GHR: variants seen among roughly 807,000 people sequenced by gnomAD.
GHR encodes the protein GH receptor.
Under a neutral mutation model 67.1 loss-of-function variants are expected in GHR, and 35 were observed. The ratio of observed to expected loss-of-function variants is 0.52; its 90% confidence interval spans 0.40 to 0.69. GHR has a LOEUF of 0.69. Ranked by LOEUF, GHR falls within the 30% of genes least tolerant of loss-of-function variation. GHR has a pLI of 0.00. For missense variants in GHR, 792 were observed against 764.6 expected, an observed-to-expected ratio of 1.04 and a Z score of -0.42; for synonymous variants, 272 against 269.1, an observed-to-expected ratio of 1.01 and a Z score of -0.10.
At chr5:42,522,331 T>C (rs1211362629) in intron 1 of GHR, among the ~76,000 whole-genome samples, 3 of 152,192 alleles carry the variant, frequency 2.0e-5, no homozygotes, top group Non-Finnish European at 4.4e-5. Context: ...AAGAAATGGC[T>C]TTGGCATTTT....
At chr5:42,434,215 A>C (rs1444968109) in intron 1 of GHR, among the ~76,000 whole-genome samples, 1 of 152,174 alleles carries the variant, frequency 6.6e-6, no homozygotes, top group South Asian at 2.1e-4. Context: ...TGATGCTGAC[A>C]GTCCTGGCCC....
At chr5:42,583,784 T>C (rs1751319130) in intron 2 of GHR, among the ~76,000 whole-genome samples, 1 of 152,036 alleles carries the variant, frequency 6.6e-6, no homozygotes. Context: ...CAAATTCTTC[T>C]TCTTGCAAAA....
intron 1 of GHR, among the ~76,000 whole-genome samples, chr5:42,479,171 A>G (rs1357650440): frequency 6.6e-6 from 1 of 152,148 alleles, no homozygotes; most frequent in East Asian, 1.9e-4. Flanking sequence ...GGTTCTGTTT[A>G]TATGCTGGAT....
intron 6 of GHR, among the ~76,000 whole-genome samples, chr5:42,702,425 C>A (rs1010723323): frequency 8.5e-5 from 13 of 152,130 alleles, no homozygotes; most frequent in African/African-American, 3.1e-4. Context: ...ATACCTACCA[C>A]ATTTTCTTTA....
At chr5:42,443,114 T>C (rs1479863073) in intron 1 of GHR, among the ~76,000 whole-genome samples, 1 of 152,200 alleles carries the variant, frequency 6.6e-6, no homozygotes, top group Non-Finnish European at 1.5e-5. Context: ...AAGATTTGAA[T>C]GTGGGGCTTG....
At chr5:42,698,425 TCTC>T (rs1268083382) in intron 5 of GHR, among the ~76,000 whole-genome samples, 1 of 152,214 alleles carries the variant, frequency 6.6e-6, no homozygotes, top group Non-Finnish European at 1.5e-5. Context: ...GATTCCTGAA[TCTC>T]CAACAAATCC....
chr5:42,493,674 T>C (rs1746206334), intron 1 of GHR, among the ~76,000 whole-genome samples: 1 of 152,212 alleles, frequency 6.6e-6, no homozygotes, highest in Non-Finnish European at 1.5e-5. Context: ...GAAATATTTC[T>C]AAAAGTTCAA....
At position 42,718,798 on chromosome 5, in the gene GHR, C is replaced by A. The variant is rs1758862661; in HGVS notation, c.1291C>A (p.Gln431Lys). 1 of 1,614,050 alleles carries A rather than the reference C, an allele frequency of 6.2e-7. No individual in the cohort carries two copies. Among genetic ancestry groups the A allele is most frequent in the South Asian group, 1.1e-5 (1 of 91,052 alleles). The change falls in exon 10 of 10, where the codon CAA becomes AAA. Residue 431 changes from glutamine to lysine, a missense_variant. Coordinates refer to ENST00000230882, the MANE Select transcript of GHR (RefSeq NM_000163.5). ...ADLLCLDQKNQNNSPYHDACP... is the reference protein window; with the variant it reads ...ADLLCLDQKNKNNSPYHDACP... ...TCTCTTATGCCTTGACCAGAAGAAT[C>A]AAAATAACTCACCTTATCATGATGC... is the stretch of plus-strand genomic sequence containing the variant.
At chr5:42,530,123 T>G (rs1747900681) in intron 1 of GHR, among the ~76,000 whole-genome samples, 1 of 151,794 alleles carries the variant, frequency 6.6e-6, no homozygotes, top group African/African-American at 2.4e-5. Context: ...TTGATATATG[T>G]GTACATTTTA....
chr5:42,531,577 C>A (rs1054180611), intron 1 of GHR, among the ~76,000 whole-genome samples: 43 of 151,980 alleles, frequency 2.8e-4, no homozygotes, highest in African/African-American at 8.2e-4. Flanking sequence ...TGGGCTCAAG[C>A]AATCCACAGA....
At chr5:42,671,517 G>A (rs1049061901) in intron 3 of GHR, among the ~76,000 whole-genome samples, 2 of 151,440 alleles carry the variant, frequency 1.3e-5, no homozygotes, top group South Asian at 4.2e-4. Flanking sequence ...TGGGATTCAA[G>A]GTTGGTTCAA....
chr5:42,607,060 T>A (rs1380003198), intron 2 of GHR, among the ~76,000 whole-genome samples: 1 of 152,166 alleles, frequency 6.6e-6, no homozygotes, highest in African/African-American at 2.4e-5. Flanking sequence ...CAAGAGCTGA[T>A]GAAGTTTTAA....
At position 42,537,012 on chromosome 5, in the gene GHR, C is replaced by T. The variant is rs1003879917; in HGVS notation, c.-11-28852C>T. ...TCAGTGGTGTCAGTTGTAGTATCCC[C>T]CATTTTGTTTCTTAATGAGGTTATT... On this transcript the variant is annotated intron_variant, in intron 1 of 9. Coordinates refer to ENST00000230882, the MANE Select transcript of GHR (RefSeq NM_000163.5). 3.9e-5 allele frequency among the ~76,000 whole-genome samples: 6 copies of T among 151,918 alleles called. No individual in the cohort carries two copies. In the South Asian group the frequency reaches 1.2e-3, roughly 32 times the overall value.
At chr5:42,579,149 G>T (rs199714232) in intron 2 of GHR, among the ~76,000 whole-genome samples, 4,825 of 54,114 alleles carry the variant, frequency 0.089, 152 homozygotes, top group Middle Eastern at 0.14. Context: ...ATGATAGATA[G>T]ATATAGATAG....
At chr5:42,428,300 C>A (rs957095614) in intron 1 of GHR, among the ~76,000 whole-genome samples, 1 of 152,154 alleles carries the variant, frequency 6.6e-6, no homozygotes, top group Non-Finnish European at 1.5e-5. Flanking sequence ...TACCTTGGCC[C>A]CTTTTAGACA....
chr5:42,671,521 G>T (rs566163003), intron 3 of GHR, among the ~76,000 whole-genome samples: 1 of 151,498 alleles, frequency 6.6e-6, no homozygotes, highest in South Asian at 2.1e-4. Context: ...ATTCAAGGTT[G>T]GTTCAACATA....
rs576697552 is a variant in GHR, at chr5:42,638,100, C to T, written c.136+8997C>T. Among the ~76,000 whole-genome samples the T allele has an allele frequency of 8.5e-5, 13 of 152,192 alleles. 1 individual carries two copies. The East Asian group carries it at 1.2e-3, about 14-fold the overall frequency. ...GATTACAGTCGTGCACCACCACGCC[C>T]GGCAAATTTTTTTTATTTTTAGTAG... is the stretch of plus-strand genomic sequence containing the variant. On this transcript the variant is annotated intron_variant, in intron 3 of 9. Coordinates refer to ENST00000230882, the MANE Select transcript of GHR (RefSeq NM_000163.5).
rs1197496286 is a variant in GHR at position 42,650,597 on chromosome 5, ATATATG to A, written c.136+21498_136+21503del. 8.8e-5 allele frequency among the ~76,000 whole-genome samples: 13 copies of A among 147,320 alleles called. 1 individual carries two copies. Among genetic ancestry groups the A allele is most frequent in the African/African-American group, 1.5e-4 (6 of 39,840 alleles). ...AGATAACATATATATATATATATAT[ATATATG>A]TATGTCTATGACTGCTGGCATAATG... On this transcript the variant is annotated intron_variant, in intron 3 of 9. Coordinates refer to ENST00000230882, the MANE Select transcript of GHR (RefSeq NM_000163.5).
intron 2 of GHR, among the ~76,000 whole-genome samples, chr5:42,582,041 C>T (rs111518332): frequency 6.6e-6 from 1 of 152,376 alleles, no homozygotes; most frequent in African/African-American, 2.4e-5. Flanking sequence ...GCTGACACAC[C>T]AGCCCCCTGG....
Sources: gnomAD v4.1 joint callset for allele counts (sites outside exome capture counted in the v4.1 genomes callset) on GRCh38, gnomAD v4.1.1 for gene constraint, MANE v1.5 for transcripts, NCBI Gene and HGNC (gene_info 2026-07-23, HGNC 2026-07-21) for gene names.